The following IKZF1 variants were observed in gnomAD, a reference collection of about 807,000 sequenced individuals.
IKZF1 encodes the protein DNA-binding protein Ikaros.
A neutral mutation model predicts 51.7 loss-of-function variants in IKZF1; 10 were observed. The observed-to-expected ratio is 0.19, with a 90% CI of 0.12 to 0.33. The LOEUF (loss-of-function observed/expected upper bound fraction) is 0.33, where lower values mean the gene tolerates loss of function less well. Ranked by LOEUF, IKZF1 falls within the 10% of genes least tolerant of loss-of-function variation. The pLI is 1.00. For synonymous variants in IKZF1, 280 were observed against 282.3 expected (o/e 0.99, Z 0.08); for missense variants, 484 against 707.5 (o/e 0.68, Z 3.58).
intron 4 of IKZF1, among the ~76,000 whole-genome samples, chr7:50,379,763 G>A (rs1014586795): frequency 4.6e-5 from 7 of 152,174 alleles, no homozygotes; most frequent in East Asian, 3.9e-4. Context: ...GTAGACCTAC[G>A]TCAGTTCTTG....
At chr7:50,398,072 G>A (rs1436036124) in intron 7 of IKZF1, among the ~76,000 whole-genome samples, 1 of 152,226 alleles carries the variant, frequency 6.6e-6, no homozygotes, top group African/African-American at 2.4e-5. Flanking sequence ...GAATTACAGA[G>A]TAATTTATCC....
At chr7:50,349,833 T>A (rs549773529) in intron 3 of IKZF1, among the ~76,000 whole-genome samples, 1 of 152,288 alleles carries the variant, frequency 6.6e-6, no homozygotes, top group African/African-American at 2.4e-5. Context: ...CATGCTTATG[T>A]TTTAAAACAT....
At chr7:50,365,258 G>T (rs1806535814) in intron 3 of IKZF1, among the ~76,000 whole-genome samples, 1 of 152,180 alleles carries the variant, frequency 6.6e-6, no homozygotes, top group Non-Finnish European at 1.5e-5. Flanking sequence ...TTCTTTTACT[G>T]AGCCCAGAAG....
Position 50,401,848 on chromosome 7 carries a change from G to T in IKZF1, c.*1221G>T. The T allele has an allele frequency of 4.4e-6, 1 of 225,502 alleles. No individual in the cohort carries two copies. The highest frequency in any genetic ancestry group is 8.8e-6 in the Non-Finnish European group (1 of 113,118). 14.0% of individuals were successfully genotyped at this position (225,502 alleles called of 1,614,324 possible). ...GCTAACACACAGAGCTCACCTGTTT[G>T]AAACCAAGCTTTCAAACATGTTGAA... On this transcript the variant is annotated 3_prime_UTR_variant, in exon 8 of 8. Transcript: ENST00000331340.
chr7:50,319,128 G>T (rs1170364389), intron 2 of IKZF1, 27 bp downstream of exon 2: 1 of 1,609,878 alleles, frequency 6.2e-7, no homozygotes, highest in Non-Finnish European at 8.5e-7. Flanking sequence ...TAGCTGTGTG[G>T]GAAGTTCATG....
At chr7:50,399,439 T>C (rs1817557781) in intron 7 of IKZF1, among the ~76,000 whole-genome samples, 1 of 151,132 alleles carries the variant, frequency 6.6e-6, no homozygotes, top group East Asian at 1.9e-4. Context: ...TATCACATAT[T>C]TTAAATATAT....
At chr7:50,306,954 A>G (rs1167829995) in intron 1 of IKZF1, among the ~76,000 whole-genome samples, 2 of 152,272 alleles carry the variant, frequency 1.3e-5, no homozygotes, top group Non-Finnish European at 1.5e-5. Flanking sequence ...TAACAGATAC[A>G]TGAAATAAAT....
chr7:50,326,968 A>G (rs935017967), intron 2 of IKZF1, among the ~76,000 whole-genome samples: 1 of 152,208 alleles, frequency 6.6e-6, no homozygotes, highest in African/African-American at 2.4e-5. Flanking sequence ...GTATCCTCAA[A>G]CACAAATTGA....
At chr7:50,325,278 C>CAAAA (rs71018469) in intron 2 of IKZF1, among the ~76,000 whole-genome samples, 19 of 93,660 alleles carry the variant, frequency 2.0e-4, no homozygotes, top group East Asian at 5.8e-4. Flanking sequence ...CCGCTGCCAC[C>CAAAA]AAAAAAAAAA....
Position 50,400,649 on chromosome 7 carries a change from C to G in IKZF1, c.*22C>G. The G allele has an allele frequency of 2.5e-6, 4 of 1,587,040 alleles. No individual in the cohort carries two copies. The highest frequency in any genetic ancestry group is 1.7e-6 in the Non-Finnish European group (2 of 1,172,684). Reference sequence around the variant, plus strand: ...CTAAAGCCCTCCCGCGCCCCCACCCCAGACCCCGAGCCACCCCAGGAAAAG... The same window carrying G: ...CTAAAGCCCTCCCGCGCCCCCACCCGAGACCCCGAGCCACCCCAGGAAAAG... On this transcript the variant is annotated 3_prime_UTR_variant, in exon 8 of 8. Transcript: ENST00000331340. This position sits in a 1 kb window ranked among gnomAD's most constrained non-coding sequence, Gnocchi z 5.4.
chr7:50,378,372 G>A (rs1810907390), intron 4 of IKZF1, among the ~76,000 whole-genome samples: 2 of 152,144 alleles, frequency 1.3e-5, no homozygotes, highest in South Asian at 4.1e-4. Context: ...AGTAGTCCCA[G>A]CCTCGCCTTT....
rs77862463 is a variant in IKZF1 at position 50,394,393 on chromosome 7, G to A, written c.850+2530G>A. The A allele has an allele frequency of 1.6e-3, 382 of 233,080 alleles. 2 individuals are homozygous for A. The highest frequency in any genetic ancestry group is 7.9e-3 in the African/African-American group (358 of 45,396). The allele number at this position is 233,080 out of a possible 1,614,324, so 14.4% of individuals were successfully genotyped here. A position where few individuals can be genotyped will look rare whatever the true frequency, so the allele number is the denominator to read the frequency against. The stretch of plus-strand genomic sequence containing the variant: ...TCTCTGAGGCCCCTCTCCACTTCTC[G>A]GATGCTGAGTTTAGCCTTCATGTGA... On this transcript the variant is annotated intron_variant, in intron 7 of 7. Coordinates refer to ENST00000331340, the MANE Select transcript of IKZF1 (RefSeq NM_006060.6).
Position 50,383,944 on chromosome 7 carries a change from G to A in IKZF1, c.589+1237G>A, listed in dbSNP as rs112288858. Among the ~76,000 whole-genome samples the A allele has an allele frequency of 8.1e-3, 1,236 of 152,358 alleles. 13 individuals carry two copies. The highest frequency in any genetic ancestry group is 0.024 in the African/African-American group (979 of 41,576). ...CATCTCTTTATCACACATTTACTGA[G>A]CACCCCTGGGTGCCCATTCTGCACA... On this transcript the variant is annotated intron_variant, in intron 5 of 7. Coordinates refer to ENST00000331340, the MANE Select transcript of IKZF1 (RefSeq NM_006060.6).
At chr7:50,344,383 C>G (rs534651973) in intron 3 of IKZF1, among the ~76,000 whole-genome samples, 5 of 152,304 alleles carry the variant, frequency 3.3e-5, no homozygotes, top group Non-Finnish European at 5.9e-5. Flanking sequence ...CCAATGACTC[C>G]TTTATGAAGT....
intron 5 of IKZF1, among the ~76,000 whole-genome samples, chr7:50,384,258 T>C (rs1004320003): frequency 1.3e-5 from 2 of 152,226 alleles, no homozygotes; most frequent in African/African-American, 2.4e-5. Context: ...AGGTGGTCCC[T>C]GCAGTAGTTC....
At chr7:50,398,988 T>C (rs557001982) in intron 7 of IKZF1, among the ~76,000 whole-genome samples, 21 of 152,362 alleles carry the variant, frequency 1.4e-4, no homozygotes, top group African/African-American at 4.8e-4. Flanking sequence ...AAGCCAAATC[T>C]AGGCTCTGGT....
At chr7:50,377,953 G>A (rs1005060873) in intron 4 of IKZF1, among the ~76,000 whole-genome samples, 12 of 152,188 alleles carry the variant, frequency 7.9e-5, no homozygotes, top group African/African-American at 2.9e-4. Flanking sequence ...CTATTTTAAA[G>A]GCCTAGCAGA....
chr7:50,311,365 T>C (rs1395504419), intron 1 of IKZF1, among the ~76,000 whole-genome samples: 1 of 152,236 alleles, frequency 6.6e-6, no homozygotes, highest in Non-Finnish European at 1.5e-5. Flanking sequence ...TATATGTAGA[T>C]TTTGTAGATC....
intron 5 of IKZF1, among the ~76,000 whole-genome samples, chr7:50,383,673 C>T (rs1181776979): frequency 6.6e-6 from 1 of 152,192 alleles, no homozygotes; most frequent in Non-Finnish European, 1.5e-5. Context: ...GAGCTTCCTG[C>T]CCCAGCCAGC....
Sources: allele counts gnomAD v4.1 joint callset (sites outside exome capture counted in the v4.1 genomes callset), GRCh38; gene constraint gnomAD v4.1.1; non-coding constraint Gnocchi (gnomAD v3.1); transcripts MANE v1.5; gene names NCBI Gene and HGNC (gene_info 2026-07-23, HGNC 2026-07-21).